The following RUNX1 variants were observed in gnomAD, a reference collection of about 807,000 sequenced individuals.
RUNX1 encodes the protein RUNX family transcription factor 1.
In RUNX1, 19 loss-of-function variants were observed where a neutral mutation model predicts 42.8. That is an observed-to-expected ratio of 0.44 (90% confidence interval 0.31 to 0.65). The LOEUF is 0.65. RUNX1 is among the 30% of genes least tolerant of loss of function. RUNX1 has a pLI of 0.07. For synonymous variants in RUNX1, 271 were observed against 289.4 expected (o/e 0.94, Z 0.64); for missense variants, 528 against 672.0 (o/e 0.79, Z 2.37).
intron 2 of RUNX1, among the ~76,000 whole-genome samples, chr21:34,910,487 GA>G (rs2058263703): frequency 6.6e-6 from 1 of 151,934 alleles, no homozygotes; most frequent in African/African-American, 2.4e-5. Flanking sequence ...GCTAAATGCA[GA>G]GGCAAAAGCC....
chr21:34,787,885 G>A lies in RUNX1; in HGVS notation c.*4250C>T, dbSNP rs186103543. 242 of 233,312 alleles carry A rather than the reference G, an allele frequency of 1.0e-3. 1 individual carries two copies. The highest frequency in any genetic ancestry group is 1.5e-3 in the Non-Finnish European group (174 of 118,070). 14.5% of individuals were successfully genotyped at this position (233,312 alleles called of 1,614,324 possible). A position where few individuals can be genotyped will look rare whatever the true frequency, so the allele number is the denominator to read the frequency against. ...TTTACAGAAGAAACTGTGGTACAAA[G>A]AGAGGAAGGCTCTGGTGGCTCCTGA... On this transcript the variant is annotated 3_prime_UTR_variant, in exon 9 of 9. Transcript: ENST00000675419.
chr21:34,861,254 G>A (rs375493017), intron 5 of RUNX1, among the ~76,000 whole-genome samples: 1 of 152,206 alleles, frequency 6.6e-6, no homozygotes, highest in Admixed American at 6.5e-5. Flanking sequence ...GGAGAGGACT[G>A]GGTAGAAGAG....
intron 2 of RUNX1, among the ~76,000 whole-genome samples, chr21:34,905,730 C>A (rs1036464544): frequency 1.3e-5 from 2 of 152,138 alleles, no homozygotes; most frequent in African/African-American, 4.8e-5. Context: ...AGAATGGATA[C>A]AACAAAAGTT....
chr21:34,979,969 T>G (rs2058834643), intron 2 of RUNX1, among the ~76,000 whole-genome samples: 1 of 152,210 alleles, frequency 6.6e-6, no homozygotes, highest in African/African-American at 2.4e-5. Flanking sequence ...GCTCTGCCCC[T>G]GCTAGCGCAT....
chr21:35,012,826 T>C (rs2059135294), intron 2 of RUNX1, among the ~76,000 whole-genome samples: 1 of 152,028 alleles, frequency 6.6e-6, no homozygotes, highest in African/African-American at 2.4e-5. Flanking sequence ...TAAAGTAGAG[T>C]AGAAATCAGG....
chr21:34,921,885 C>T (rs967996126), intron 2 of RUNX1, among the ~76,000 whole-genome samples: 2 of 152,162 alleles, frequency 1.3e-5, no homozygotes, highest in East Asian at 1.9e-4. Flanking sequence ...CCACCTGCCT[C>T]GGCCTCCTGA....
intron 3 of RUNX1, chr21:34,888,738 G>T: frequency 1.0e-6 from 1 of 1,000,180 alleles, no homozygotes; most frequent in Non-Finnish European, 1.2e-6. Flanking sequence ...AGCCCGGCCG[G>T]AGGAATTCCA....
At chr21:34,871,703 T>C (rs538959652) in intron 5 of RUNX1, among the ~76,000 whole-genome samples, 303 of 152,288 alleles carry the variant, frequency 2.0e-3, no homozygotes, top group Admixed American at 6.2e-3. Flanking sequence ...GCCCATCCTG[T>C]GGGCGGCAAA....
chr21:34,837,702 C>T (rs533726596), intron 6 of RUNX1, among the ~76,000 whole-genome samples: 26 of 152,262 alleles, frequency 1.7e-4, no homozygotes, highest in Non-Finnish European at 3.2e-4. Context: ...GGAATTCGAC[C>T]CTGGGTCAAG....
In RUNX1 at chr21:34,799,444, G is replaced by A. The variant is rs201164283; in HGVS notation, c.824C>T (p.Pro275Leu). The A allele has an allele frequency of 3.5e-5, 56 of 1,614,134 alleles. No homozygotes were observed. In the Admixed American group the frequency reaches 9.3e-4, roughly 27 times the overall value. ...CTGATCGTAGGACCACGGTGGGGAT[G>A]GTTGGATCTGCCTTGTATCTGAAGA... is the stretch of plus-strand genomic sequence containing the variant. Reference protein sequence around the residue: ...SQMQDTRQIQPSPPWSYDQSY... With the variant: ...SQMQDTRQIQLSPPWSYDQSY... Residue 275 changes from proline (P) to leucine (L), a missense_variant, in exon 8 of 9, where the codon CCA becomes CTA. Around this residue, in one of 3 missense-constraint regions of RUNX1, gnomAD observed 331 missense variants for 382.5 expected, o/e 0.87. Coordinates refer to ENST00000675419, the MANE Select transcript of RUNX1 (RefSeq NM_001754.5).
intron 2 of RUNX1, among the ~76,000 whole-genome samples, chr21:34,973,755 C>T (rs1820120030): frequency 6.6e-6 from 1 of 152,248 alleles, no homozygotes; most frequent in African/African-American, 2.4e-5. Flanking sequence ...AATGGCTCAT[C>T]TGACACTGTT....
intron 7 of RUNX1, among the ~76,000 whole-genome samples, chr21:34,811,130 C>A (rs1001698255): frequency 1.3e-5 from 2 of 152,228 alleles, no homozygotes; most frequent in African/African-American, 4.8e-5. Context: ...ATTCACTGCT[C>A]TTTGTCTTGT....
intron 2 of RUNX1, among the ~76,000 whole-genome samples, chr21:35,041,115 C>T (rs1461160190): frequency 3.3e-5 from 5 of 152,108 alleles, no homozygotes; most frequent in South Asian, 2.1e-4. Context: ...ATTCTCCATT[C>T]GAGACTAGCA....
At chr21:34,980,771 T>C (rs953092428) in intron 2 of RUNX1, among the ~76,000 whole-genome samples, 3 of 152,174 alleles carry the variant, frequency 2.0e-5, no homozygotes, top group Non-Finnish European at 2.9e-5. Flanking sequence ...TTGAATGGAA[T>C]AATTTGTTTT....
At chr21:34,809,027 C>T (rs1257056436) in intron 7 of RUNX1, among the ~76,000 whole-genome samples, 1 of 152,174 alleles carries the variant, frequency 6.6e-6, no homozygotes, top group Non-Finnish European at 1.5e-5. Context: ...GATTCTTTCT[C>T]TGTACTTTGT....
At chr21:34,821,784 C>T in intron 7 of RUNX1, 1 of 1,159,656 alleles carries the variant, frequency 8.6e-7, no homozygotes, top group Non-Finnish European at 1.2e-6. Context: ...TCCCCTACCC[C>T]AAGGCGTGAA....
At chr21:34,992,885 CTCCATGTCAGGGCTAGCAATGA>C (rs773710481) in intron 2 of RUNX1, among the ~76,000 whole-genome samples, 133 of 152,316 alleles carry the variant, frequency 8.7e-4, no homozygotes, top group Admixed American at 2.1e-3. Context: ...AGTCCAGTTT[CTCCATGTCAGGGCTAGCAATGA>C]GGAGGATGAC....
chr21:34,836,642 T>A (rs973828869), intron 6 of RUNX1, among the ~76,000 whole-genome samples: 1 of 152,176 alleles, frequency 6.6e-6, no homozygotes, highest in African/African-American at 2.4e-5. Context: ...GGAACAATGA[T>A]TGTGGAGAGC....
chr21:34,934,862 C>T (rs1439365002), intron 2 of RUNX1, among the ~76,000 whole-genome samples: 5 of 152,110 alleles, frequency 3.3e-5, no homozygotes, highest in Admixed American at 3.3e-4. Context: ...ATCCAGGAGG[C>T]TTCATAGGTT....
Sources: allele counts gnomAD v4.1 joint callset (sites outside exome capture counted in the v4.1 genomes callset), GRCh38; gene constraint gnomAD v4.1.1; regional missense constraint gnomAD v4.1.1; transcripts MANE v1.5; gene names NCBI Gene and HGNC (gene_info 2026-07-23, HGNC 2026-07-21).